WDPCP: variants seen among roughly 807,000 people sequenced by gnomAD.
WDPCP encodes the protein WD repeat containing planar cell polarity effector, also known as WD repeat-containing and planar cell polarity effector protein fritz homolog.
WDPCP carries 71 observed loss-of-function variants against 93.1 expected under a neutral mutation model. The observed-to-expected ratio is 0.76, with a 90% CI of 0.63 to 0.93. The LOEUF (loss-of-function observed/expected upper bound fraction) is 0.93. WDPCP is among the 40% of genes least tolerant of loss of function. WDPCP has a pLI of 0.00. For missense variants in WDPCP, 844 were observed against 887.4 expected, an observed-to-expected ratio of 0.95 and a Z score of 0.62; for synonymous variants, 315 against 315.0, an observed-to-expected ratio of 1.00 and a Z score of 0.00.
At chr2:63,214,355 G>C (rs1350248627) in intron 14 of WDPCP, among the ~76,000 whole-genome samples, 1 of 152,094 alleles carries the variant, frequency 6.6e-6, no homozygotes, top group Admixed American at 6.5e-5. Flanking sequence ...TAGATAAACA[G>C]AACCAAAGAC....
Position 63,372,202 on chromosome 2 carries a change from G to A in WDPCP, c.1748+6184C>T, listed in dbSNP as rs139260541. Among the ~76,000 whole-genome samples the A allele has an allele frequency of 3.6e-3, 555 of 152,254 alleles. 1 individual carries two copies. The highest frequency in any genetic ancestry group is 0.013 in the African/African-American group (534 of 41,556). ...AACCAAATATGGTCATTTGGGTCAT[G>A]AGGGTGGATGCCTTATGGTTTGGTG... On this transcript the variant is annotated intron_variant, in intron 12 of 17. Coordinates refer to ENST00000272321, the MANE Select transcript of WDPCP (RefSeq NM_015910.7).
At chr2:63,145,086 G>C (rs1339177754) in intron 17 of WDPCP, among the ~76,000 whole-genome samples, 1 of 152,154 alleles carries the variant, frequency 6.6e-6, no homozygotes, top group Non-Finnish European at 1.5e-5. Context: ...GGGGTTGTCT[G>C]CACAGAGTCC....
At chr2:63,812,029 T>A (rs928389271) in intron 2 of WDPCP, among the ~76,000 whole-genome samples, 1 of 152,040 alleles carries the variant, frequency 6.6e-6, no homozygotes, top group Non-Finnish European at 1.5e-5. Context: ...CATGCCCAGC[T>A]AATTGTATTT....
rs547804042 is a variant in WDPCP at position 63,120,225 on chromosome 2, T to C, written c.*1781A>G. On this transcript the variant is annotated 3_prime_UTR_variant, in exon 18 of 18. Coordinates refer to ENST00000272321, the MANE Select transcript of WDPCP (RefSeq NM_015910.7). Reference sequence around the variant, plus strand: ...CTAAAAATTAGTTAACTTTTGATTATCTGTGTGATAAAGAAGGTTGGGAAT... The same window carrying C: ...CTAAAAATTAGTTAACTTTTGATTACCTGTGTGATAAAGAAGGTTGGGAAT... Among the ~76,000 whole-genome samples the C allele has an allele frequency of 1.1e-4, 17 of 152,174 alleles. No individual in the cohort carries two copies. The highest frequency in any genetic ancestry group is 2.5e-4 in the Non-Finnish European group (17 of 68,030).
chr2:63,156,015 T>G lies in WDPCP; in HGVS notation c.2079-2441A>C, dbSNP rs540877262. Among the ~76,000 whole-genome samples the G allele has an allele frequency of 8.4e-4, 128 of 152,240 alleles. 2 individuals carry two copies. The South Asian group carries it at 0.026, about 31-fold the overall frequency. On this transcript the variant is annotated intron_variant, in intron 15 of 17. Transcript: ENST00000272321. Reference sequence around the variant, plus strand: ...ACGTCTATTTATTTGTTTATTTATTTATTTGACAGAGTCTCGCTCTGTTGC... The same window carrying G: ...ACGTCTATTTATTTGTTTATTTATTGATTTGACAGAGTCTCGCTCTGTTGC...
chr2:63,832,592 T>C (rs1054010226), upstream of WDPCP, among the ~76,000 whole-genome samples: 2 of 152,230 alleles, frequency 1.3e-5, no homozygotes, highest in Non-Finnish European at 2.9e-5. Flanking sequence ...AGTACATTTA[T>C]AAGTTGATTA....
chr2:63,397,335 G>A (rs1472469822), intron 10 of WDPCP, among the ~76,000 whole-genome samples: 1 of 152,028 alleles, frequency 6.6e-6, no homozygotes, highest in East Asian at 1.9e-4. Flanking sequence ...AGAAGAATAC[G>A]AGAGGAAAAG....
chr2:63,166,487 T>C (rs1182239068), intron 15 of WDPCP, among the ~76,000 whole-genome samples: 1 of 152,122 alleles, frequency 6.6e-6, no homozygotes, highest in Non-Finnish European at 1.5e-5. Flanking sequence ...TCACTAAAAC[T>C]TCTGCCTCCC....
intron 2 of WDPCP, among the ~76,000 whole-genome samples, chr2:63,774,035 T>A (rs937335767): frequency 6.6e-6 from 1 of 152,052 alleles, no homozygotes; most frequent in African/African-American, 2.4e-5. Context: ...ATTTGAAAAG[T>A]CTGGGAAAAA....
chr2:63,460,109 A>G (rs1698904667), intron 6 of WDPCP, among the ~76,000 whole-genome samples: 1 of 152,240 alleles, frequency 6.6e-6, no homozygotes, highest in Non-Finnish European at 1.5e-5. Context: ...ATCGATGAAT[A>G]AAGAAAATGT....
chr2:63,189,509 C>A (rs1674881298), intron 14 of WDPCP, among the ~76,000 whole-genome samples: 1 of 152,156 alleles, frequency 6.6e-6, no homozygotes, highest in African/African-American at 2.4e-5. Flanking sequence ...CCTGGAGCTT[C>A]CTAATCTGCC....
chr2:63,350,759 G>A (rs892492070), intron 12 of WDPCP, among the ~76,000 whole-genome samples: 1 of 151,904 alleles, frequency 6.6e-6, no homozygotes, highest in African/African-American at 2.4e-5. Flanking sequence ...GATGTCTACT[G>A]GCAATTTGCA....
intron 6 of WDPCP, among the ~76,000 whole-genome samples, chr2:63,455,023 G>A (rs140946584): frequency 1.3e-5 from 2 of 152,140 alleles, no homozygotes; most frequent in African/African-American, 4.8e-5. Flanking sequence ...ATCACTACTA[G>A]ACCTGCCTTA....
chr2:63,522,100 G>C (rs7586606), intron 1 of WDPCP, among the ~76,000 whole-genome samples: 2,060 of 151,870 alleles, frequency 0.014, 47 homozygotes, highest in African/African-American at 0.047. Flanking sequence ...TTGTTACATA[G>C]GTATACACGT....
rs1694389418 is a variant in WDPCP, at chr2:63,404,343, A to G, written c.1140T>C (p.Pro380=). 6.2e-7 allele frequency: 1 copy of G among 1,614,034 alleles called. No homozygotes were observed. Among genetic ancestry groups the G allele is most frequent in the Non-Finnish European group, 8.5e-7 (1 of 1,180,026 alleles). The part of the protein sequence containing the change: ...VTLLAQTELL[P]SLISCHPSGA... ...CACTTGGGTGGCAGCTTATTAATGA[A>G]GGCAAAAGTTCAGTCTGTGCTAAGA... The change falls in exon 10 of 18, where the codon CCT becomes CCC. Residue 380 remains proline, a synonymous_variant. Coordinates refer to ENST00000272321, the MANE Select transcript of WDPCP (RefSeq NM_015910.7).
intron 13 of WDPCP, among the ~76,000 whole-genome samples, chr2:63,283,708 A>C (rs1463476827): frequency 1.3e-5 from 2 of 152,328 alleles, no homozygotes; most frequent in East Asian, 1.9e-4. Flanking sequence ...AAAATCCAAA[A>C]TGCTTCAAAA....
At chr2:63,338,569 A>AATATAT (rs1159039677) in intron 12 of WDPCP, among the ~76,000 whole-genome samples, 12 of 14,458 alleles carry the variant, frequency 8.3e-4, no homozygotes, top group South Asian at 3.1e-3. Flanking sequence ...AAAAAAAAAA[A>AATATAT]ATATATATAT....
In WDPCP at chr2:63,259,373, C is replaced by T. The variant is rs765912876; in HGVS notation, c.1849G>A (p.Ala617Thr). 1 of 1,612,276 alleles carries T rather than the reference C, an allele frequency of 6.2e-7. No homozygotes were observed. Among genetic ancestry groups the T allele is most frequent in the Middle Eastern group, 1.7e-4 (1 of 6,040 alleles). The change falls in exon 14 of 18, where the codon GCA becomes ACA. Residue 617 changes from alanine (A) to threonine (T), a missense_variant. Ala to Thr is a moderately conservative substitution (Grantham distance 58, BLOSUM62 0). Coordinates refer to ENST00000272321, the MANE Select transcript of WDPCP (RefSeq NM_015910.7). ...HYLALDKGEL[A>T]LAEVARKRAS... is the part of the protein sequence containing the mutation. ...CTTTTTCTTGCCACTTCAGCTAGTGCCAATTCACCTTTATCTAGTGCAAGG... is the reference window on the plus strand; with the variant it reads ...CTTTTTCTTGCCACTTCAGCTAGTGTCAATTCACCTTTATCTAGTGCAAGG...
chr2:63,330,298 C>G (rs1330147588), intron 12 of WDPCP, among the ~76,000 whole-genome samples: 2 of 152,146 alleles, frequency 1.3e-5, no homozygotes, highest in South Asian at 2.1e-4. Context: ...GGTGTTATCT[C>G]TTTGTGCTTT....
Sources: allele counts gnomAD v4.1 joint callset (sites outside exome capture counted in the v4.1 genomes callset), GRCh38; gene constraint gnomAD v4.1.1; transcripts MANE v1.5; gene names NCBI Gene and HGNC (gene_info 2026-07-23, HGNC 2026-07-21).